Variants in ZCCHC24 observed in about 807,000 individuals in gnomAD.
ZCCHC24 encodes zinc finger CCHC-type containing 24.
Under a neutral mutation model 26.2 loss-of-function variants are expected in ZCCHC24, and 10 were observed. That is an observed-to-expected ratio of 0.38 (90% CI 0.24 to 0.65). The LOEUF (loss-of-function observed/expected upper bound fraction) is 0.65. ZCCHC24 is among the 30% of genes least tolerant of loss of function. ZCCHC24 has a pLI of 0.54. For synonymous variants in ZCCHC24, 144 were observed against 147.1 expected (o/e 0.98, Z 0.15); for missense variants, 243 against 329.1 (o/e 0.74, Z 2.03).
chr10:79,441,850 G>C (rs1857294942), intron 1 of ZCCHC24, among the ~76,000 whole-genome samples: 1 of 152,216 alleles, frequency 6.6e-6, no homozygotes, highest in Admixed American at 6.5e-5. Flanking sequence ...CCTGAATGGA[G>C]TGAGACAGCC....
At chr10:79,427,919 A>G (rs966502063) in intron 2 of ZCCHC24, among the ~76,000 whole-genome samples, 5 of 152,194 alleles carry the variant, frequency 3.3e-5, no homozygotes, top group Admixed American at 6.5e-5. Flanking sequence ...GGAAGGAAGG[A>G]AAAGAAAAGA....
At chr10:79,427,103 C>T (rs1426790383) in intron 2 of ZCCHC24, among the ~76,000 whole-genome samples, 1 of 151,462 alleles carries the variant, frequency 6.6e-6, no homozygotes, top group Non-Finnish European at 1.5e-5. Context: ...AAAAGAAGGA[C>T]ATTTTATAAG....
At position 79,384,908 on chromosome 10, in the gene ZCCHC24, G is replaced by C. The variant is rs1022613203; in HGVS notation, c.*1437C>G. The stretch of plus-strand genomic sequence containing the variant: ...GGAGAAAGGAAGGGTCAAGACCATG[G>C]AAACGGGGCTTCTCATCCGGGAGAC... On this transcript the variant is annotated 3_prime_UTR_variant, in exon 4 of 4. Coordinates refer to ENST00000372336, the MANE Select transcript of ZCCHC24 (RefSeq NM_153367.4). 4 of 152,372 alleles carry C rather than the reference G, an allele frequency of 2.6e-5. No homozygotes were observed. The highest frequency in any genetic ancestry group is 4.4e-5 in the Non-Finnish European group (3 of 68,036). The allele number at this position is 152,372 out of a possible 1,614,324, so 9.4% of individuals were successfully genotyped here. A position where few individuals can be genotyped will look rare whatever the true frequency, so the allele number is the denominator to read the frequency against.
chr10:79,386,234 C>G lies in ZCCHC24; in HGVS notation c.*111G>C. On this transcript the variant is annotated 3_prime_UTR_variant, in exon 4 of 4. Coordinates refer to ENST00000372336, the MANE Select transcript of ZCCHC24 (RefSeq NM_153367.4). ...GAGCCCCCGGCCCAGCCCCGCAGGCCTGCGAGGGCACCCCATGCACAGGGC... is the reference window on the plus strand; with the variant it reads ...GAGCCCCCGGCCCAGCCCCGCAGGCGTGCGAGGGCACCCCATGCACAGGGC... 1.0e-6 allele frequency: 1 copy of G among 1,003,606 alleles called. No homozygotes were observed. The highest frequency in any genetic ancestry group is 1.6e-5 in the African/African-American group (1 of 62,468). 62.2% of individuals were successfully genotyped at this position (1,003,606 alleles called of 1,614,324 possible).
At chr10:79,390,904 T>TCCACCGCGGGGCAACATGGGGAGCA (rs1361933289) in intron 3 of ZCCHC24, among the ~76,000 whole-genome samples, 4 of 152,046 alleles carry the variant, frequency 2.6e-5, no homozygotes, top group Non-Finnish European at 5.9e-5. Context: ...ACCAGCCCTC[T>TCCACCGCGGGGCAACATGGGGAGCA]CCACCGCGGG....
At chr10:79,411,193 G>T (rs977274198) in intron 2 of ZCCHC24, among the ~76,000 whole-genome samples, 1 of 152,184 alleles carries the variant, frequency 6.6e-6, no homozygotes, top group African/African-American at 2.4e-5. Flanking sequence ...CCTGCTCAAG[G>T]TGCCCTTGGG....
chr10:79,413,328 C>T (rs750141583), intron 2 of ZCCHC24, among the ~76,000 whole-genome samples: 13 of 152,234 alleles, frequency 8.5e-5, no homozygotes, highest in South Asian at 2.1e-4. Context: ...CCCCTCCCCA[C>T]GCCTGACTCC....
chr10:79,386,465 A>T lies in ZCCHC24; in HGVS notation c.613-7T>A. ...CGGGCTTCTCCAGGGGTCTCTGCAGAGAGAAGGAGGAAGGGGCCCAGGGGA... is the reference window on the plus strand; with the variant it reads ...CGGGCTTCTCCAGGGGTCTCTGCAGTGAGAAGGAGGAAGGGGCCCAGGGGA... On this transcript the variant is annotated splice_region_variant and splice_polypyrimidine_tract_variant and intron_variant, in intron 3 of 3. Transcript: ENST00000372336. 1 of 1,586,800 alleles carries T rather than the reference A, an allele frequency of 6.3e-7. No individual in the cohort carries two copies. Among genetic ancestry groups the T allele is most frequent in the Non-Finnish European group, 8.6e-7 (1 of 1,160,146 alleles).
intron 2 of ZCCHC24, among the ~76,000 whole-genome samples, chr10:79,407,439 G>A (rs182205724): frequency 3.2e-4 from 49 of 152,294 alleles, no homozygotes; most frequent in Non-Finnish European, 6.5e-4. Flanking sequence ...GCTCTTCTTC[G>A]CTCACGAGAG....
At chr10:79,444,046 C>T (rs1024445826) in intron 1 of ZCCHC24, 3 of 1,509,330 alleles carry the variant, frequency 2.0e-6, no homozygotes, top group Non-Finnish European at 2.7e-6. Context: ...CACACCCTTG[C>T]GTACATAGGC....
At chr10:79,444,661 G>A (rs991730469) in intron 1 of ZCCHC24, among the ~76,000 whole-genome samples, 1 of 152,224 alleles carries the variant, frequency 6.6e-6, no homozygotes, top group Non-Finnish European at 1.5e-5. Flanking sequence ...AGCAGGAGAA[G>A]CCCTCTGGGC....
intron 2 of ZCCHC24, among the ~76,000 whole-genome samples, chr10:79,408,838 C>T (rs1024186156): frequency 3.9e-5 from 6 of 152,204 alleles, no homozygotes; most frequent in African/African-American, 1.4e-4. Flanking sequence ...CACACTGCCA[C>T]CAGCAAGCTC....
rs866064581 is a variant in ZCCHC24, at chr10:79,411,900, C to T, written c.448-17460G>A. Among the ~76,000 whole-genome samples the T allele has an allele frequency of 1.5e-4, 23 of 152,334 alleles. 1 individual carries two copies. Among genetic ancestry groups the T allele is most frequent in the Middle Eastern group, 6.8e-3 (2 of 294 alleles). The stretch of plus-strand genomic sequence containing the variant: ...ACCTGCTCTGCCAGGGCAGGACCCC[C>T]AGCAAGTCCACCGTCCCCAGTCCCT... On this transcript the variant is annotated intron_variant, in intron 2 of 3. Transcript: ENST00000372336.
intron 2 of ZCCHC24, among the ~76,000 whole-genome samples, chr10:79,410,364 C>T (rs940798367): frequency 2.0e-5 from 3 of 152,252 alleles, no homozygotes; most frequent in African/African-American, 7.2e-5. Context: ...GCACCTGGCA[C>T]ATAGTAGGTA....
intron 2 of ZCCHC24, among the ~76,000 whole-genome samples, chr10:79,416,713 T>A (rs1056047738): frequency 1.3e-5 from 2 of 152,124 alleles, no homozygotes; most frequent in Non-Finnish European, 2.9e-5. Context: ...CAGCACAGCC[T>A]CTGAAGCAAG....
chr10:79,404,713 C>A (rs1221634962), intron 2 of ZCCHC24, among the ~76,000 whole-genome samples: 1 of 152,202 alleles, frequency 6.6e-6, no homozygotes. Context: ...TTGGGCCAGG[C>A]AGAATCTCCC....
At chr10:79,417,948 C>T (rs1406703738) in intron 2 of ZCCHC24, among the ~76,000 whole-genome samples, 1 of 152,194 alleles carries the variant, frequency 6.6e-6, no homozygotes. Context: ...CCACCTTGCC[C>T]CAGCTGGGCC....
chr10:79,395,365 T>C (rs1160073463), intron 2 of ZCCHC24, among the ~76,000 whole-genome samples: 1 of 152,260 alleles, frequency 6.6e-6, no homozygotes, highest in Non-Finnish European at 1.5e-5. Context: ...CTAGCTTGTT[T>C]CTGTTCTCCC....
At chr10:79,432,535 C>CAGTAAGGGAG in intron 2 of ZCCHC24, 23 bp downstream of exon 2, 1 of 1,587,048 alleles carries the variant, frequency 6.3e-7, no homozygotes, top group Non-Finnish European at 8.6e-7. Flanking sequence ...CCAAGAGCAC[C>CAGTAAGGGAG]CCCTGGGCCA....
Sources: allele counts gnomAD v4.1 joint callset (sites outside exome capture counted in the v4.1 genomes callset), GRCh38; gene constraint gnomAD v4.1.1; transcripts MANE v1.5; gene names NCBI Gene and HGNC (gene_info 2026-07-23, HGNC 2026-07-21).